The following TBPL1 variants were observed in gnomAD, a reference collection of about 807,000 sequenced individuals.
The protein encoded by TBPL1 is TATA-box binding protein like 1.
TBPL1 carries 4 observed loss-of-function variants against 22.1 expected under a neutral mutation model. That is an observed-to-expected ratio of 0.18 (90% confidence interval 0.09 to 0.41). The LOEUF (loss-of-function observed/expected upper bound fraction) is 0.41, where lower values mean the gene tolerates loss of function less well. Ranked by LOEUF, TBPL1 falls within the 10% of genes least tolerant of loss-of-function variation. The pLI is 1.00. For synonymous variants in TBPL1, 64 were observed against 71.0 expected (o/e 0.90, Z 0.50); for missense variants, 115 against 222.3 (o/e 0.52, Z 3.07).
rs188771118 is a variant in TBPL1, at chr6:133,965,762, A to G, written c.-45+12337A>G. ...TTTTGTGTTCCAAAGCTTGAGGACT[A>G]CAGTGAGTAACTAGAAATCCTTTCC... On this transcript the variant is annotated intron_variant, in intron 1 of 6. Transcript: ENST00000237264. Among the ~76,000 whole-genome samples, 7 of 152,346 alleles carry G rather than the reference A, an allele frequency of 4.6e-5. No individual in the cohort carries two copies. In the East Asian group the frequency reaches 1.3e-3, roughly 29 times the overall value.
intron 1 of TBPL1, among the ~76,000 whole-genome samples, chr6:133,978,234 C>G (rs1162052699): frequency 6.6e-6 from 1 of 152,194 alleles, no homozygotes; most frequent in Non-Finnish European, 1.5e-5. Flanking sequence ...AAGAAATCCT[C>G]TGCCTGTTGA....
At chr6:133,971,827 T>G (rs895847467) in intron 1 of TBPL1, among the ~76,000 whole-genome samples, 3 of 152,212 alleles carry the variant, frequency 2.0e-5, no homozygotes, top group African/African-American at 7.2e-5. Flanking sequence ...ATTCTGGATA[T>G]TAATCTCTTA....
rs79139761 is a variant in TBPL1 at position 133,973,662 on chromosome 6, G to A, written c.-44-6420G>A. On this transcript the variant is annotated intron_variant, in intron 1 of 6. Transcript: ENST00000237264. ...CACTAGAAAGAGGACCAAAAATACA[G>A]ATGATGTGTTCTTGTACACAAAATC... is the stretch of plus-strand genomic sequence containing the variant. Among the ~76,000 whole-genome samples, 576 of 152,308 alleles carry A rather than the reference G, an allele frequency of 3.8e-3. 2 individuals carry two copies. The highest frequency in any genetic ancestry group is 0.013 in the African/African-American group (536 of 41,566).
Position 133,984,362 on chromosome 6 carries a change from C to T in TBPL1, c.283-14C>T. On this transcript the variant is annotated splice_polypyrimidine_tract_variant and intron_variant, in intron 4 of 6. Transcript: ENST00000237264. ...TTCAAAATAAATTTATTGAATTTTA[C>T]TTCTCTCCTAAAGGTAATATTTACA... 1 of 1,558,776 alleles carries T rather than the reference C, an allele frequency of 6.4e-7. No homozygotes were observed.
chr6:133,968,365 G>A (rs1776157817), intron 1 of TBPL1, among the ~76,000 whole-genome samples: 1 of 152,132 alleles, frequency 6.6e-6, no homozygotes, highest in African/African-American at 2.4e-5. Flanking sequence ...CTTTTATATA[G>A]TAAGGAATCA....
At chr6:133,977,212 A>G (rs746467281) in intron 1 of TBPL1, among the ~76,000 whole-genome samples, 23 of 152,132 alleles carry the variant, frequency 1.5e-4, no homozygotes, top group Non-Finnish European at 2.6e-4. Flanking sequence ...CTGACTTTTT[A>G]TATTGCATCT....
At chr6:133,967,807 T>C (rs1776146355) in intron 1 of TBPL1, among the ~76,000 whole-genome samples, 1 of 152,180 alleles carries the variant, frequency 6.6e-6, no homozygotes, top group South Asian at 2.1e-4. Context: ...GGAAAATCAA[T>C]TAATTCAGTA....
intron 1 of TBPL1, among the ~76,000 whole-genome samples, chr6:133,960,470 T>C (rs1776002779): frequency 6.6e-6 from 1 of 151,614 alleles, no homozygotes; most frequent in East Asian, 1.9e-4. Context: ...TCCTTGGCTG[T>C]GGCCAGTAAT....
chr6:133,986,209 T>TGG (rs1776519732), intron 6 of TBPL1, among the ~76,000 whole-genome samples: 1 of 152,148 alleles, frequency 6.6e-6, no homozygotes, highest in Non-Finnish European at 1.5e-5. Context: ...TTACAGTGGG[T>TGG]GGATTTGTTA....
At chr6:133,964,537 G>A (rs1387446241) in intron 1 of TBPL1, among the ~76,000 whole-genome samples, 4 of 150,112 alleles carry the variant, frequency 2.7e-5, no homozygotes, top group Non-Finnish European at 4.4e-5. Context: ...TGCAAGCTCC[G>A]TCTCCCGGGT....
chr6:133,985,290 AAAAAAAAATATATATATATATAT>A (rs1776489546), intron 6 of TBPL1, among the ~76,000 whole-genome samples: 1 of 64,438 alleles, frequency 1.6e-5, no homozygotes. Flanking sequence ...AAAAAAAAAA[AAAAAAAAATATATATATATATAT>A]ATATATATAT....
intron 4 of TBPL1, among the ~76,000 whole-genome samples, chr6:133,983,831 G>T (rs1441121991): frequency 6.6e-6 from 1 of 152,186 alleles, no homozygotes; most frequent in Non-Finnish European, 1.5e-5. Flanking sequence ...TGTAACATTA[G>T]AAGTGTTGAG....
Position 133,961,992 on chromosome 6 carries a change from T to G in TBPL1, c.-45+8567T>G, listed in dbSNP as rs539447957. ...ATTCCCAGTGTCTACCCGCAGAGCT[T>G]GGTTCACATGAGTTGCATACTAAAT... On this transcript the variant is annotated intron_variant, in intron 1 of 6. Coordinates refer to ENST00000237264, the MANE Select transcript of TBPL1 (RefSeq NM_004865.4). Among the ~76,000 whole-genome samples, 137 of 152,284 alleles carry G rather than the reference T, an allele frequency of 9.0e-4. No homozygotes were observed. The Middle Eastern group carries it at 0.01, about 11-fold the overall frequency.
rs1486152408 is a variant in TBPL1, at chr6:133,987,642, G to GTATATA, written c.*603_*604insATATAT. On this transcript the variant is annotated 3_prime_UTR_variant, in exon 7 of 7. Coordinates refer to ENST00000237264, the MANE Select transcript of TBPL1 (RefSeq NM_004865.4). ...GTGTATTTTGTGTGTGTGTGTGTGT[G>GTATATA]TGTGTGTATATATATATATATATAT... 62 of 130,502 alleles carry GTATATA rather than the reference G, an allele frequency of 4.8e-4. No homozygotes were observed. Among genetic ancestry groups the GTATATA allele is most frequent in the African/African-American group, 1.9e-3 (60 of 32,342 alleles). The allele number at this position is 130,502 out of a possible 1,614,324, so 8.1% of individuals were successfully genotyped here. A position where few individuals can be genotyped will look rare whatever the true frequency, so the allele number is the denominator to read the frequency against.
At chr6:133,973,355 T>G (rs2114360932) in intron 1 of TBPL1, among the ~76,000 whole-genome samples, 1 of 152,330 alleles carries the variant, frequency 6.6e-6, no homozygotes, top group South Asian at 2.1e-4. Flanking sequence ...TTCCCCTGTA[T>G]CCTCAGCTTC....
At position 133,989,761 on chromosome 6, in the gene TBPL1, C is replaced by G. The variant is rs1776594754; in HGVS notation, c.*2721C>G. 1 of 152,144 alleles carries G rather than the reference C, an allele frequency of 6.6e-6. No individual in the cohort carries two copies. The highest frequency in any genetic ancestry group is 1.5e-5 in the Non-Finnish European group (1 of 68,016). The allele number at this position is 152,144 out of a possible 1,614,324, so 9.4% of individuals were successfully genotyped here. On this transcript the variant is annotated 3_prime_UTR_variant, in exon 7 of 7. Transcript: ENST00000237264. ...ATTGTTATAAAGGAATGTAATAGAT[C>G]ATGTTTCCTTATATGACATTGGGAC...
At chr6:133,960,791 G>A (rs1776010293) in intron 1 of TBPL1, among the ~76,000 whole-genome samples, 1 of 152,160 alleles carries the variant, frequency 6.6e-6, no homozygotes, top group Non-Finnish European at 1.5e-5. Flanking sequence ...GGCTATAGTG[G>A]AATTAGCTGT....
chr6:133,959,041 A>G (rs1208461205), intron 1 of TBPL1, among the ~76,000 whole-genome samples: 5 of 151,916 alleles, frequency 3.3e-5, no homozygotes, highest in Admixed American at 2.6e-4. Context: ...CTGTGCTGGG[A>G]AATTTTTTTT....
Position 133,984,256 on chromosome 6 carries a change from A to G in TBPL1, c.283-120A>G, listed in dbSNP as rs7740377. 1.5e-3 allele frequency: 1,048 copies of G among 709,496 alleles called. 12 individuals carry two copies. In the African/African-American group the frequency reaches 0.017, roughly 11 times the overall value. 44.0% of individuals were successfully genotyped at this position (709,496 alleles called of 1,614,324 possible). A position where few individuals can be genotyped will look rare whatever the true frequency, so the allele number is the denominator to read the frequency against. Reference sequence around the variant, plus strand: ...CTACACAACTTACAGTACTAAACATACACTTAAAATGTTTTTGTTTTATCT... The same window carrying G: ...CTACACAACTTACAGTACTAAACATGCACTTAAAATGTTTTTGTTTTATCT... On this transcript the variant is annotated intron_variant, in intron 4 of 6. Transcript: ENST00000237264.
Sources: allele counts gnomAD v4.1 joint callset (sites outside exome capture counted in the v4.1 genomes callset), GRCh38; gene constraint gnomAD v4.1.1; transcripts MANE v1.5; gene names NCBI Gene and HGNC (gene_info 2026-07-23, HGNC 2026-07-21).